Variants in FBXO17 observed in about 807,000 individuals in gnomAD.
FBXO17 encodes F-box protein 17.
Under a neutral mutation model 34.1 loss-of-function variants are expected in FBXO17, and 43 were observed. The ratio of observed to expected loss-of-function variants is 1.26; its 90% CI spans 0.99 to 1.62. The LOEUF (loss-of-function observed/expected upper bound fraction) is 1.62, where lower values mean the gene tolerates loss of function less well. FBXO17 is among the 40% of genes most tolerant of loss of function. FBXO17 has a pLI of 0.00. For missense variants in FBXO17, 424 were observed against 386.7 expected, an observed-to-expected ratio of 1.10 and a Z score of -0.81; for synonymous variants, 169 against 166.0, an observed-to-expected ratio of 1.02 and a Z score of -0.14.
intron 1 of FBXO17, among the ~76,000 whole-genome samples, chr19:38,963,297 C>CCTTTTTT (rs397977753): frequency 2.6e-5 from 2 of 75,892 alleles, no homozygotes. Context: ...TTCACTCATA[C>CCTTTTTT]TTTTTTTTTT....
intron 5 of FBXO17, among the ~76,000 whole-genome samples, chr19:38,942,967 G>A (rs1021855418): frequency 6.6e-6 from 1 of 152,248 alleles, no homozygotes; most frequent in African/African-American, 2.4e-5. Flanking sequence ...TGAGGGGCCA[G>A]GGGCATTCTG....
chr19:38,954,596 T>TTTA (rs1975135513), intron 1 of FBXO17, among the ~76,000 whole-genome samples: 1 of 143,528 alleles, frequency 7.0e-6, no homozygotes, highest in African/African-American at 2.6e-5. Flanking sequence ...TTTTTTTTTT[T>TTTA]GAGACAGAGT....
intron 1 of FBXO17, among the ~76,000 whole-genome samples, chr19:38,964,559 A>G (rs1975295265): frequency 1.3e-5 from 2 of 152,108 alleles, no homozygotes; most frequent in African/African-American, 4.8e-5. Context: ...GCTTGAGGCC[A>G]GGAGTTCCAG....
chr19:38,955,085 C>T (rs1262284867), intron 1 of FBXO17, among the ~76,000 whole-genome samples: 1 of 151,744 alleles, frequency 6.6e-6, no homozygotes, highest in Non-Finnish European at 1.5e-5. Context: ...CGCCCACCAC[C>T]ATGCCCAGCT....
chr19:38,950,330 CAG>C lies in FBXO17; in HGVS notation c.-13_-12del, dbSNP rs1337566177. On this transcript the variant is annotated 5_prime_UTR_variant, in exon 2 of 6. Transcript: ENST00000292852. ...TAGCCGGGCGCCCATCTCCAGTAGCCAGAGTCCTGCAGGTCGAGAGGGGTCGG... is the reference window on the plus strand; with the variant it reads ...TAGCCGGGCGCCCATCTCCAGTAGCCAGTCCTGCAGGTCGAGAGGGGTCGG... 2 of 1,414,436 alleles carry C rather than the reference CAG, an allele frequency of 1.4e-6. No homozygotes were observed. Among genetic ancestry groups the C allele is most frequent in the African/African-American group, 1.5e-5 (1 of 66,372 alleles). 87.6% of individuals were successfully genotyped at this position (1,414,436 alleles called of 1,614,324 possible).
rs577253437 is a variant in FBXO17 at position 38,957,558 on chromosome 19, C to A, written c.-17-7222G>T. Among the ~76,000 whole-genome samples, 44 of 152,284 alleles carry A rather than the reference C, an allele frequency of 2.9e-4. 1 individual carries two copies. Among genetic ancestry groups the A allele is most frequent in the Admixed American group, 2.6e-3 (40 of 15,292 alleles). On this transcript the variant is annotated intron_variant, in intron 1 of 5. Transcript: ENST00000292852. ...ACAGGGTTTCACCATGTTGGCCAGG[C>A]TGGTCTTGAATGCCTGACCTTGTGA...
chr19:38,973,164 G>A (rs1411861788), intron 1 of FBXO17, among the ~76,000 whole-genome samples: 1 of 152,070 alleles, frequency 6.6e-6, no homozygotes, highest in Admixed American at 6.6e-5. Flanking sequence ...CACGAGGTCA[G>A]GAGTTCGAGA....
chr19:38,946,464 TCA>T lies in FBXO17; in HGVS notation c.557+6_557+7del, dbSNP rs779127509. 15 of 1,613,844 alleles carry T rather than the reference TCA, an allele frequency of 9.3e-6. No homozygotes were observed. Among genetic ancestry groups the T allele is most frequent in the African/African-American group, 1.3e-5 (1 of 74,922 alleles). ...CTGCTCTGGGGCAGGGTGCCGCTCC[TCA>T]CTCACCAGTCAGCCACACAGATCTC... On this transcript the variant is annotated splice_donor_region_variant and intron_variant, in intron 4 of 5. Coordinates refer to ENST00000292852, the MANE Select transcript of FBXO17 (RefSeq NM_024907.7).
intron 1 of FBXO17, among the ~76,000 whole-genome samples, chr19:38,971,484 C>T (rs1182787852): frequency 6.6e-6 from 1 of 152,036 alleles, no homozygotes; most frequent in Non-Finnish European, 1.5e-5. Flanking sequence ...CAAATCTATC[C>T]CTAGAAAAAT....
chr19:38,950,406 G>A (rs78365239), intron 1 of FBXO17, 70 bp from the exon 2 acceptor site: 140,662 of 1,385,336 alleles, frequency 0.1, 7,415 homozygotes, highest in Non-Finnish European at 0.11. Context: ...TTGTCCCCCA[G>A]GGCGCAAGGC....
intron 1 of FBXO17, among the ~76,000 whole-genome samples, chr19:38,971,451 A>G (rs1018795558): frequency 6.6e-5 from 10 of 152,212 alleles, no homozygotes; most frequent in Admixed American, 2.0e-4. Context: ...AATTTGCAAA[A>G]GGAAAAAGAA....
chr19:38,949,070 C>T (rs1797172548), intron 2 of FBXO17, among the ~76,000 whole-genome samples: 1 of 152,096 alleles, frequency 6.6e-6, no homozygotes, highest in Non-Finnish European at 1.5e-5. Flanking sequence ...GCTAGGACCA[C>T]AGGTGCATGC....
intron 1 of FBXO17, among the ~76,000 whole-genome samples, chr19:38,972,491 G>T (rs1170066816): frequency 7.0e-6 from 1 of 141,954 alleles, no homozygotes; most frequent in African/African-American, 2.5e-5. Context: ...GTTGCAGTGA[G>T]CTGTGATTGT....
intron 4 of FBXO17, chr19:38,945,418 G>A (rs532296402): frequency 1.1e-5 from 4 of 370,208 alleles, no homozygotes; most frequent in South Asian, 1.0e-4. Context: ...GAGCCTGGGG[G>A]AGGGTCCTGG....
chr19:38,973,243 C>T (rs148615397), intron 1 of FBXO17, among the ~76,000 whole-genome samples: 14 of 152,256 alleles, frequency 9.2e-5, no homozygotes, highest in Non-Finnish European at 1.6e-4. Flanking sequence ...GGCGTGGTGG[C>T]ACATGCTTGT....
intron 1 of FBXO17, among the ~76,000 whole-genome samples, chr19:38,960,363 C>T (rs931990445): frequency 6.6e-6 from 1 of 151,726 alleles, no homozygotes; most frequent in Non-Finnish European, 1.5e-5. Context: ...GTGCCTTTGC[C>T]GTCAGATGGT....
At chr19:38,958,405 T>TAAAAAA (rs1975198532) in intron 1 of FBXO17, among the ~76,000 whole-genome samples, 1 of 24,492 alleles carries the variant, frequency 4.1e-5, no homozygotes, top group Non-Finnish European at 6.3e-5. Flanking sequence ...TGAAACTGTC[T>TAAAAAA]CAAAAAAAAA....
intron 5 of FBXO17, among the ~76,000 whole-genome samples, chr19:38,944,123 A>T (rs1974935898): frequency 6.6e-6 from 1 of 152,140 alleles, no homozygotes; most frequent in African/African-American, 2.4e-5. Flanking sequence ...CTCTTTCAGC[A>T]TCATGTTTTC....
intron 4 of FBXO17, 130 bp downstream of exon 4, chr19:38,946,342 A>C (rs1974982583): frequency 7.0e-7 from 1 of 1,435,744 alleles, no homozygotes; most frequent in Non-Finnish European, 9.4e-7. Flanking sequence ...TTCCCCTCTC[A>C]GCCTCATCAC....
Sources: gnomAD v4.1 joint callset for allele counts (sites outside exome capture counted in the v4.1 genomes callset) on GRCh38, gnomAD v4.1.1 for gene constraint, MANE v1.5 for transcripts, NCBI Gene and HGNC (gene_info 2026-07-23, HGNC 2026-07-21) for gene names.